The following CTNNA2 variants were observed in gnomAD, a reference collection of about 807,000 sequenced individuals.
The protein encoded by CTNNA2 is catenin alpha-2.
A neutral mutation model predicts 101.0 loss-of-function variants in CTNNA2; 42 were observed. That is an observed-to-expected ratio of 0.42 (90% CI 0.32 to 0.54). CTNNA2 has a LOEUF of 0.54. Ranked by LOEUF, CTNNA2 falls within the 20% of genes least tolerant of loss-of-function variation. The probability of loss-of-function intolerance (pLI) is 0.14; values close to 1 mark genes in which losing one functional copy is unlikely to be tolerated. For missense variants in CTNNA2, 871 were observed against 1,223.1 expected (o/e 0.71, Z 4.29); for synonymous variants, 450 against 456.4 (o/e 0.99, Z 0.18).
At chr2:79,262,444 C>CATTTATTTAAA (rs1223856015) in intron 2 of CTNNA2, among the ~76,000 whole-genome samples, 8 of 151,738 alleles carry the variant, frequency 5.3e-5, no homozygotes, top group African/African-American at 1.9e-4. Flanking sequence ...AAGATCATTT[C>CATTTATTTAAA]AAATCCTAAA....
intron 4 of CTNNA2, among the ~76,000 whole-genome samples, chr2:79,502,055 C>A (rs1671326251): frequency 6.6e-6 from 1 of 151,128 alleles, no homozygotes; most frequent in Admixed American, 6.6e-5. Flanking sequence ...TAAGACCTAT[C>A]CCCACCATGC....
intron 2 of CTNNA2, among the ~76,000 whole-genome samples, chr2:79,296,623 T>C (rs1675986016): frequency 6.6e-6 from 1 of 152,068 alleles, no homozygotes. Context: ...GACCCAATAT[T>C]CATGGAGTTT....
intron 4 of CTNNA2, among the ~76,000 whole-genome samples, chr2:79,383,416 T>C (rs1374764125): frequency 6.6e-6 from 1 of 152,102 alleles, no homozygotes; most frequent in East Asian, 1.9e-4. Flanking sequence ...GAAAAGTGTG[T>C]GGAAATAAAA....
chr2:80,272,502 G>A (rs1404887024), intron 7 of CTNNA2, among the ~76,000 whole-genome samples: 2 of 152,118 alleles, frequency 1.3e-5, no homozygotes, highest in Non-Finnish European at 2.9e-5. Flanking sequence ...TAGAACCATT[G>A]GCTCTAAAGA....
At chr2:79,428,404 A>G (rs1678614842) in intron 4 of CTNNA2, among the ~76,000 whole-genome samples, 1 of 152,040 alleles carries the variant, frequency 6.6e-6, no homozygotes, top group African/African-American at 2.4e-5. Flanking sequence ...TGGAACAAAG[A>G]CGAGAATAAG....
chr2:80,517,477 G>C (rs1689192580), intron 9 of CTNNA2, among the ~76,000 whole-genome samples: 1 of 152,324 alleles, frequency 6.6e-6, no homozygotes, highest in South Asian at 2.1e-4. Context: ...GGGCCCAGCT[G>C]TGCACTGTTC....
intron 2 of CTNNA2, among the ~76,000 whole-genome samples, chr2:79,693,468 C>A (rs994586547): frequency 6.6e-6 from 1 of 151,736 alleles, no homozygotes; most frequent in Non-Finnish European, 1.5e-5. Context: ...TCTATTTTTT[C>A]AAATTTCAAA....
intron 3 of CTNNA2, among the ~76,000 whole-genome samples, chr2:79,775,052 AG>A (rs1268214997): frequency 6.6e-6 from 1 of 152,194 alleles, no homozygotes; most frequent in Non-Finnish European, 1.5e-5. Context: ...TTGCTTGGGA[AG>A]GGGGCGATAT....
intron 4 of CTNNA2, among the ~76,000 whole-genome samples, chr2:79,380,300 T>C (rs1489259166): frequency 6.6e-6 from 1 of 151,574 alleles, no homozygotes; most frequent in Non-Finnish European, 1.5e-5. Flanking sequence ...AAGACCCAGG[T>C]TGTTCAGGGA....
chr2:80,188,648 A>G (rs1706278926), intron 7 of CTNNA2, among the ~76,000 whole-genome samples: 1 of 152,192 alleles, frequency 6.6e-6, no homozygotes, highest in African/African-American at 2.4e-5. Context: ...TCCATCTTCA[A>G]AGCCTGTGAC....
intron 7 of CTNNA2, among the ~76,000 whole-genome samples, chr2:80,201,981 A>G (rs1484520473): frequency 6.6e-6 from 1 of 152,016 alleles, no homozygotes; most frequent in Non-Finnish European, 1.5e-5. Context: ...CACCACCCCA[A>G]CTGAGCAAGG....
At chr2:79,516,984 C>G (rs929455666) in intron 1 of CTNNA2, among the ~76,000 whole-genome samples, 1 of 152,058 alleles carries the variant, frequency 6.6e-6, no homozygotes, top group Non-Finnish European at 1.5e-5. Context: ...ACAAAAGCCC[C>G]TTTTCATTGG....
chr2:79,665,292 C>A (rs1682335854), intron 2 of CTNNA2, among the ~76,000 whole-genome samples: 1 of 152,134 alleles, frequency 6.6e-6, no homozygotes, highest in Admixed American at 6.5e-5. Flanking sequence ...ACCTTGTGCA[C>A]CTTCCCTGTT....
At chr2:79,250,855 G>A (rs185223405) in intron 2 of CTNNA2, among the ~76,000 whole-genome samples, 328 of 152,098 alleles carry the variant, frequency 2.2e-3, no homozygotes, top group African/African-American at 7.7e-3. Flanking sequence ...ACTCACCCTC[G>A]CTTGGTCCCA....
At chr2:80,469,320 G>C (rs1166996331) in intron 9 of CTNNA2, among the ~76,000 whole-genome samples, 1 of 152,196 alleles carries the variant, frequency 6.6e-6, no homozygotes, top group Non-Finnish European at 1.5e-5. Flanking sequence ...ATAATTGTTT[G>C]ATAAACAGAC....
intron 3 of CTNNA2, among the ~76,000 whole-genome samples, chr2:79,314,747 G>A (rs1020349990): frequency 5.3e-5 from 8 of 152,132 alleles, no homozygotes; most frequent in Non-Finnish European, 1.5e-5. Flanking sequence ...ACTCTGCTAT[G>A]CTAGAGTAGG....
chr2:80,140,490 C>G (rs998720614), intron 7 of CTNNA2, among the ~76,000 whole-genome samples: 1 of 152,096 alleles, frequency 6.6e-6, no homozygotes, highest in African/African-American at 2.4e-5. Flanking sequence ...GAAGCTCTGT[C>G]CTATCCCTTC....
rs546800715 is a variant in CTNNA2, at chr2:79,252,268, G to A, written c.-406+54192G>A. Among the ~76,000 whole-genome samples, 97 of 148,598 alleles carry A rather than the reference G, an allele frequency of 6.5e-4. 1 individual carries two copies. The highest frequency in any genetic ancestry group is 2.2e-3 in the African/African-American group (90 of 40,206). ...GATCAAGTTTGAAACAGTCCCTCAA[G>A]TTAAAAGAGCATGTTTGGAAGAGAT... On this transcript the variant is annotated intron_variant, in intron 2 of 21. Coordinates refer to the CTNNA2 transcript ENST00000466387.
At chr2:80,602,854 A>G (rs1697668190) in intron 15 of CTNNA2, among the ~76,000 whole-genome samples, 2 of 152,116 alleles carry the variant, frequency 1.3e-5, no homozygotes, top group Admixed American at 1.3e-4. Context: ...GTATTTAAAC[A>G]TTAATAGAAA....
Sources: allele counts gnomAD v4.1 joint callset (sites outside exome capture counted in the v4.1 genomes callset), GRCh38; gene constraint gnomAD v4.1.1; transcripts MANE v1.5; gene names NCBI Gene and HGNC (gene_info 2026-07-23, HGNC 2026-07-21).